The following ADCY5 variants were observed in gnomAD, a reference collection of about 807,000 sequenced individuals.
ADCY5 encodes the protein adenylate cyclase 5, also known as adenylate cyclase type 5.
ADCY5 carries 30 observed loss-of-function variants against 119.7 expected under a neutral mutation model. The observed-to-expected ratio is 0.25, with a 90% CI of 0.19 to 0.34. The LOEUF (loss-of-function observed/expected upper bound fraction) is 0.34. Ranked by LOEUF, ADCY5 falls within the 10% of genes least tolerant of loss-of-function variation. The pLI, the probability that ADCY5 is intolerant of heterozygous loss-of-function variation, is 1.00. For synonymous variants in ADCY5, 753 were observed against 762.2 expected, an observed-to-expected ratio of 0.99 and a Z score of 0.20; for missense variants, 1,324 against 1,775.2, an observed-to-expected ratio of 0.75 and a Z score of 4.57.
chr3:123,371,150 C>T (rs1057069695), intron 1 of ADCY5, among the ~76,000 whole-genome samples: 4 of 151,866 alleles, frequency 2.6e-5, no homozygotes, highest in South Asian at 2.1e-4. Flanking sequence ...CTCAAGAAGA[C>T]GAAGCATGCT....
chr3:123,297,757 C>T (rs1939609637), intron 15 of ADCY5, among the ~76,000 whole-genome samples: 3 of 152,326 alleles, frequency 2.0e-5, no homozygotes, highest in East Asian at 1.9e-4. Flanking sequence ...CCGCTGGCCA[C>T]GTGCAGCTAC....
chr3:123,416,058 C>T, intron 1 of ADCY5: 1 of 1,044,952 alleles, frequency 9.6e-7, no homozygotes. Flanking sequence ...AAGTTCCCAC[C>T]TAGGGTCAGG....
chr3:123,333,050 C>A (rs1336416163), intron 3 of ADCY5, among the ~76,000 whole-genome samples: 2 of 152,090 alleles, frequency 1.3e-5, no homozygotes, highest in East Asian at 1.9e-4. Context: ...CGAGCCACCA[C>A]ACCTGGTTCC....
At chr3:123,411,953 C>A (rs994402419) in intron 1 of ADCY5, among the ~76,000 whole-genome samples, 5 of 152,164 alleles carry the variant, frequency 3.3e-5, no homozygotes, top group African/African-American at 1.2e-4. Context: ...CCAAGCCCAC[C>A]CACACAGAAC....
chr3:123,317,796 C>G (rs186914731), intron 11 of ADCY5, among the ~76,000 whole-genome samples: 122 of 152,124 alleles, frequency 8.0e-4, no homozygotes, highest in African/African-American at 2.9e-3. Context: ...TGTGCAGCGC[C>G]TAGTGAGAGT....
intron 1 of ADCY5, among the ~76,000 whole-genome samples, chr3:123,424,121 A>G (rs1017354830): frequency 1.3e-5 from 2 of 152,236 alleles, no homozygotes; most frequent in African/African-American, 4.8e-5. Flanking sequence ...GGATTATCCC[A>G]TGGCACTCAA....
chr3:123,326,845 T>C (rs1941515025), intron 7 of ADCY5, among the ~76,000 whole-genome samples: 1 of 152,208 alleles, frequency 6.6e-6, no homozygotes, highest in South Asian at 2.1e-4. Flanking sequence ...CCTGCCTCCC[T>C]TTAAAAATCA....
At chr3:123,301,476 C>T (rs1387336864) in intron 14 of ADCY5, among the ~76,000 whole-genome samples, 1 of 152,198 alleles carries the variant, frequency 6.6e-6, no homozygotes, top group African/African-American at 2.4e-5. Context: ...ATGGGAGCTC[C>T]AAAAGCCAGC....
intron 12 of ADCY5, among the ~76,000 whole-genome samples, chr3:123,306,020 A>G (rs960400854): frequency 6.6e-6 from 1 of 152,206 alleles, no homozygotes; most frequent in Admixed American, 6.5e-5. Flanking sequence ...CCTCCCAGGT[A>G]TGCTCCTATA....
chr3:123,439,100 G>A (rs1945677619), intron 1 of ADCY5, among the ~76,000 whole-genome samples: 2 of 946 alleles, frequency 2.1e-3, no homozygotes, highest in South Asian at 0.042. Flanking sequence ...ATGGAGTCTC[G>A]CTCTATCACC....
At chr3:123,354,360 G>A (rs1026497310) in intron 1 of ADCY5, among the ~76,000 whole-genome samples, 5 of 152,184 alleles carry the variant, frequency 3.3e-5, no homozygotes, top group African/African-American at 1.2e-4. Context: ...AAAGCATGAG[G>A]GAACAAAGAC....
At chr3:123,380,486 T>A (rs867537406) in intron 1 of ADCY5, among the ~76,000 whole-genome samples, 7 of 152,352 alleles carry the variant, frequency 4.6e-5, no homozygotes, top group Middle Eastern at 3.4e-3. Flanking sequence ...CAAGGCACTG[T>A]TGGCTTCCTC....
At position 123,296,076 on chromosome 3, in the gene ADCY5, C is replaced by A. The variant is rs768021637; in HGVS notation, c.3063+8G>T. ...TCCCTCCCCAGGTCCAGCCCCAGGG[C>A]CACCCACCTGCAGTTTCCAGAGGAA... On this transcript the variant is annotated splice_region_variant and intron_variant, in intron 17 of 20. Coordinates refer to ENST00000462833, the MANE Select transcript of ADCY5 (RefSeq NM_183357.3). The A allele has an allele frequency of 1.7e-5, 28 of 1,613,454 alleles. No homozygotes were observed. The highest frequency in any genetic ancestry group is 2.7e-5 in the African/African-American group (2 of 74,928).
chr3:123,410,602 A>G (rs1470964273), intron 1 of ADCY5, among the ~76,000 whole-genome samples: 2 of 152,224 alleles, frequency 1.3e-5, no homozygotes. Flanking sequence ...GACATAAAAT[A>G]AAGGCTCAAC....
At chr3:123,379,129 T>A (rs939645465) in intron 1 of ADCY5, among the ~76,000 whole-genome samples, 5 of 152,186 alleles carry the variant, frequency 3.3e-5, no homozygotes, top group Non-Finnish European at 7.3e-5. Context: ...ACCATGGGAC[T>A]GACCAGGGCA....
chr3:123,327,820 C>T, intron 6 of ADCY5, 61 bp from the exon 7 acceptor site: 1 of 1,587,818 alleles, frequency 6.3e-7, no homozygotes, highest in Non-Finnish European at 8.6e-7. Context: ...AATGTCAGCC[C>T]CCGTGAAAAA....
At chr3:123,435,235 G>A (rs575694072) in intron 1 of ADCY5, among the ~76,000 whole-genome samples, 49 of 152,292 alleles carry the variant, frequency 3.2e-4, no homozygotes, top group Admixed American at 2.1e-3. Flanking sequence ...GCAATGAGCC[G>A]TGATTGCACC....
chr3:123,425,106 G>A (rs1293955826), intron 1 of ADCY5, among the ~76,000 whole-genome samples: 3 of 76,984 alleles, frequency 3.9e-5, no homozygotes, highest in African/African-American at 1.6e-4. Flanking sequence ...TGCAGAGAGG[G>A]GCCCATCCTG....
At position 123,448,121 on chromosome 3, in the gene ADCY5, GCC is replaced by G; in HGVS notation, c.423_424del (p.Ala142GlyfsTer185). ...CTCCGTCCCGCCCGCCGAGGCAGCC[GCC>G]GCCGCCGAGCCGCCGCCGCCGCCCG... On this transcript the variant is annotated frameshift_variant, in exon 1 of 21. Transcript: ENST00000462833. LOFTEE classifies it high-confidence loss of function. 9.3e-7 allele frequency: 1 copy of G among 1,078,336 alleles called. No homozygotes were observed. Among genetic ancestry groups the G allele is most frequent in the Non-Finnish European group, 1.1e-6 (1 of 894,502 alleles). The allele number at this position is 1,078,336 out of a possible 1,614,324, so 66.8% of individuals were successfully genotyped here.
Sources: gnomAD v4.1 joint callset for allele counts (sites outside exome capture counted in the v4.1 genomes callset) on GRCh38, gnomAD v4.1.1 for gene constraint, MANE v1.5 for transcripts, NCBI Gene and HGNC (gene_info 2026-07-23, HGNC 2026-07-21) for gene names.